Variants in POU2F2 observed in about 807,000 individuals in gnomAD.
POU2F2 encodes POU class 2 homeobox 2, also known as POU domain, class 2, transcription factor 2.
In POU2F2, 14 loss-of-function variants were observed where a neutral mutation model predicts 63.5. That is an observed-to-expected ratio of 0.22 (90% confidence interval 0.15 to 0.34). POU2F2 has a LOEUF of 0.34. POU2F2 is among the 10% of genes least tolerant of loss of function. The pLI is 1.00. For synonymous variants in POU2F2, 306 were observed against 348.6 expected, an observed-to-expected ratio of 0.88 and a Z score of 1.36; for missense variants, 607 against 815.2, an observed-to-expected ratio of 0.74 and a Z score of 3.11.
Position 42,096,156 on chromosome 19 carries a change from G to T in POU2F2, c.655C>A (p.Pro219Thr), listed in dbSNP as rs2076913978. The change falls in exon 8 of 15, where the codon CCC becomes ACC. Residue 219 changes from proline to threonine, a missense_variant. Transcript: ENST00000692977. The surrounding 1 kb of genome is among the most constrained non-coding windows in gnomAD (Gnocchi z 4.1). ...TGCTCCAGCTCCTCCAGATCACTGG[G>T]CTCCTCGGGGTGGGATGGTGGCTCC... ...CLEPPSHPEE[P>T]SDLEELEQFA... 6.2e-7 allele frequency: 1 copy of T among 1,613,754 alleles called. No homozygotes were observed. The highest frequency in any genetic ancestry group is 1.1e-5 in the South Asian group (1 of 91,082).
chr19:42,103,145 C>T (rs773146430), intron 5 of POU2F2, among the ~76,000 whole-genome samples: 61 of 152,242 alleles, frequency 4.0e-4, no homozygotes, highest in Non-Finnish European at 1.5e-4. Context: ...CACAAAGTCA[C>T]CCTCTCAGAG....
At chr19:42,114,439 G>A (rs1303062597) in intron 5 of POU2F2, among the ~76,000 whole-genome samples, 3 of 152,098 alleles carry the variant, frequency 2.0e-5, no homozygotes, top group Non-Finnish European at 4.4e-5. Flanking sequence ...CAGACTTCCC[G>A]GGAAAAGAGA....
intron 1 of POU2F2, among the ~76,000 whole-genome samples, chr19:42,172,697 T>C (rs1349160762): frequency 1.4e-4 from 22 of 152,138 alleles, no homozygotes; most frequent in Non-Finnish European, 4.4e-5. Flanking sequence ...CCCCAAACCA[T>C]CACTGATGGA....
chr19:42,128,671 C>T (rs1399806252), intron 1 of POU2F2, among the ~76,000 whole-genome samples: 1 of 152,172 alleles, frequency 6.6e-6, no homozygotes, highest in Admixed American at 6.5e-5. Context: ...GAGGGTCCAT[C>T]AAATGGCTCG....
At position 42,169,222 on chromosome 19, in the gene POU2F2, T is replaced by A. The variant is rs1198732933; in HGVS notation, c.-70+6741A>T. 6.6e-6 allele frequency among the ~76,000 whole-genome samples: 1 copy of A among 152,250 alleles called. No homozygotes were observed. Among genetic ancestry groups the A allele is most frequent in the African/African-American group, 2.4e-5 (1 of 41,458 alleles). On this transcript the variant is annotated intron_variant, in intron 1 of 6. Coordinates refer to the POU2F2 transcript ENST00000524801. This position sits in a 1 kb window ranked among gnomAD's most constrained non-coding sequence, Gnocchi z 4.3. ...GCCCTTTCGGTCACCACGTGTGGCC[T>A]CCCTGTGGGATTTCTGAATGTGGCC...
chr19:42,142,191 GGTTT>G (rs1014492625), intron 2 of POU2F2, among the ~76,000 whole-genome samples: 3 of 152,052 alleles, frequency 2.0e-5, no homozygotes, highest in South Asian at 2.1e-4. Flanking sequence ...CTTCAGTTTT[GGTTT>G]GTTTGTTTGT....
At chr19:42,122,666 TC>T (rs1211597849) in intron 1 of POU2F2, 90 bp from the exon 2 acceptor site, 5 of 1,160,832 alleles carry the variant, frequency 4.3e-6, no homozygotes, top group Non-Finnish European at 6.0e-6. Flanking sequence ...CCCAAGCCTT[TC>T]CCCCAAATTC....
rs369535122 is a variant in POU2F2, at chr19:42,127,661, G to A, written c.28+4723C>T. 5.9e-5 allele frequency among the ~76,000 whole-genome samples: 9 copies of A among 152,070 alleles called. No homozygotes were observed. In the South Asian group the frequency reaches 1.7e-3, roughly 28 times the overall value. ...CTCCCAAAATGCTGGGATTACAGGC[G>A]TGAGCCACCACGCCCGGCCATAAGC... On this transcript the variant is annotated intron_variant, in intron 1 of 14. Transcript: ENST00000692977.
intron 1 of POU2F2, among the ~76,000 whole-genome samples, chr19:42,173,170 C>T (rs1050453909): frequency 5.3e-5 from 8 of 152,170 alleles, no homozygotes; most frequent in African/African-American, 1.7e-4. Context: ...GAGGAATAGA[C>T]ATCCATCTGA....
chr19:42,094,593 A>G (rs897029616), intron 11 of POU2F2, among the ~76,000 whole-genome samples: 4 of 151,990 alleles, frequency 2.6e-5, no homozygotes, highest in Non-Finnish European at 5.9e-5. Flanking sequence ...TCCTTCCCCA[A>G]CCTCATTCAT....
At chr19:42,159,125 T>C (rs541775771) in intron 2 of POU2F2, among the ~76,000 whole-genome samples, 87 of 152,292 alleles carry the variant, frequency 5.7e-4, no homozygotes, top group African/African-American at 2.0e-3. Context: ...GCCTGAAATA[T>C]GTTGTTTGGA....
intron 2 of POU2F2, 55 bp from the exon 3 acceptor site, chr19:42,122,433 C>T: frequency 6.2e-7 from 1 of 1,610,752 alleles, no homozygotes; most frequent in Non-Finnish European, 8.5e-7. Context: ...CACACCTGTC[C>T]CCTCCCAGCT....
In POU2F2 at chr19:42,093,819, C is replaced by A; in HGVS notation, c.1264+10G>T. The A allele has an allele frequency of 6.3e-7, 1 of 1,598,680 alleles. No homozygotes were observed. The highest frequency in any genetic ancestry group is 1.7e-5 in the Admixed American group (1 of 59,406). On this transcript the variant is annotated intron_variant, in intron 12 of 14. Coordinates refer to ENST00000692977, the MANE Select transcript of POU2F2 (RefSeq NM_001394376.1). ...CCAGTCCCCCCTCACCATTTTCTGC[C>A]CTCCCTGACCTGTTGTGCTCAGACT...
chr19:42,139,723 A>G (rs1317923577), intron 2 of POU2F2, among the ~76,000 whole-genome samples: 1 of 152,202 alleles, frequency 6.6e-6, no homozygotes, highest in Non-Finnish European at 1.5e-5. Flanking sequence ...TACAGGCATG[A>G]GCCACTGTGG....
intron 5 of POU2F2, among the ~76,000 whole-genome samples, chr19:42,109,084 G>T (rs1489256705): frequency 6.6e-6 from 1 of 152,236 alleles, no homozygotes; most frequent in South Asian, 2.1e-4. Flanking sequence ...TGGATTGCAG[G>T]ATACATGGGT....
chr19:42,125,216 G>A (rs920546305), intron 1 of POU2F2, among the ~76,000 whole-genome samples: 7 of 151,936 alleles, frequency 4.6e-5, no homozygotes, highest in African/African-American at 1.2e-4. Flanking sequence ...AAAGTTAACC[G>A]GACATGATGG....
At chr19:42,122,725 GT>G (rs2032793565) in intron 1 of POU2F2, 149 bp from the exon 2 acceptor site, 2 of 709,492 alleles carry the variant, frequency 2.8e-6, no homozygotes, top group African/African-American at 1.8e-5. Context: ...CAAGAGACAT[GT>G]CCTCCGTTCT....
chr19:42,176,996 T>C (rs1433238964), upstream of POU2F2, among the ~76,000 whole-genome samples: 11 of 118,372 alleles, frequency 9.3e-5, no homozygotes, highest in African/African-American at 3.5e-4. Context: ...GATTTTTAAA[T>C]GGAAGGGCAA....
chr19:42,151,352 C>G (rs896073626), intron 2 of POU2F2, among the ~76,000 whole-genome samples: 18 of 152,052 alleles, frequency 1.2e-4, no homozygotes, highest in African/African-American at 4.1e-4. Context: ...TGCCCTCCCC[C>G]TCGGGTCAAG....
Sources: allele counts gnomAD v4.1 joint callset (sites outside exome capture counted in the v4.1 genomes callset), GRCh38; gene constraint gnomAD v4.1.1; non-coding constraint Gnocchi (gnomAD v3.1); transcripts MANE v1.5; gene names NCBI Gene and HGNC (gene_info 2026-07-23, HGNC 2026-07-21).